OPCML: variants seen among roughly 807,000 people sequenced by gnomAD.
OPCML encodes opioid binding protein/cell adhesion molecule like, also known as opioid-binding protein/cell adhesion molecule.
In OPCML, 13 loss-of-function variants were observed where a neutral mutation model predicts 37.8. The ratio of observed to expected loss-of-function variants is 0.34; its 90% CI spans 0.22 to 0.55. The LOEUF is 0.55. Among genes scored for constraint, OPCML ranks in the 20% least tolerant of loss-of-function variants. OPCML has a pLI of 0.91. For synonymous variants in OPCML, 176 were observed against 168.8 expected, an observed-to-expected ratio of 1.04 and a Z score of -0.33; for missense variants, 341 against 435.6, an observed-to-expected ratio of 0.78 and a Z score of 1.93.
At chr11:132,892,612 C>T (rs2725456) in intron 2 of OPCML, among the ~76,000 whole-genome samples, 1 of 152,076 alleles carries the variant, frequency 6.6e-6, no homozygotes, top group South Asian at 2.1e-4. Context: ...ACTAAAAATA[C>T]AAAAATTAGC....
In OPCML at chr11:133,346,719, T is replaced by C. The variant is rs1001543690; in HGVS notation, c.61+185545A>G. Among the ~76,000 whole-genome samples the C allele has an allele frequency of 2.0e-5, 3 of 152,188 alleles. No individual in the cohort carries two copies. In the East Asian group the frequency reaches 5.8e-4, roughly 29 times the overall value. On this transcript the variant is annotated intron_variant, in intron 1 of 7. Coordinates refer to ENST00000524381, the MANE Select transcript of OPCML (RefSeq NM_001012393.5). ...ATGTGGAATTAGCCATCAGAAAACC[T>C]GGGTTCCAAGCCTCGTTTTACCACT...
intron 3 of OPCML, among the ~76,000 whole-genome samples, chr11:132,643,007 G>A (rs1187773291): frequency 6.6e-6 from 1 of 152,204 alleles, no homozygotes; most frequent in African/African-American, 2.4e-5. Flanking sequence ...CTCAGTGGTG[G>A]TGTGGAAAGG....
chr11:132,544,108 G>A (rs553615886), intron 3 of OPCML, among the ~76,000 whole-genome samples: 12 of 151,544 alleles, frequency 7.9e-5, no homozygotes, highest in South Asian at 6.3e-4. Flanking sequence ...ATTCAATACC[G>A]GCCTAAGTGA....
intron 1 of OPCML, among the ~76,000 whole-genome samples, chr11:133,439,610 G>T (rs528911270): frequency 3.0e-4 from 46 of 152,118 alleles, no homozygotes; most frequent in African/African-American, 1.0e-3. Flanking sequence ...TGGGACTACA[G>T]GTGCCCGCCA....
At chr11:133,082,368 C>T (rs894604648) in intron 1 of OPCML, among the ~76,000 whole-genome samples, 20 of 143,480 alleles carry the variant, frequency 1.4e-4, no homozygotes, top group African/African-American at 4.9e-4. Context: ...CTGCGCCGTC[C>T]CCTCCCCACC....
chr11:132,748,032 T>C (rs1945697287), intron 2 of OPCML, among the ~76,000 whole-genome samples: 1 of 151,858 alleles, frequency 6.6e-6, no homozygotes, highest in African/African-American at 2.4e-5. Context: ...TTAGCCATTC[T>C]ATTATGTTAT....
At chr11:132,579,424 G>A (rs1002305234) in intron 3 of OPCML, among the ~76,000 whole-genome samples, 1 of 147,912 alleles carries the variant, frequency 6.8e-6, no homozygotes, top group Non-Finnish European at 1.5e-5. Context: ...TGTGATGAGG[G>A]AGGCTGGGGA....
At chr11:133,299,562 G>A (rs1477071632) in intron 1 of OPCML, 2 of 152,236 alleles carry the variant, frequency 1.3e-5, no homozygotes, top group East Asian at 3.8e-4. Flanking sequence ...GGCAGAACAA[G>A]AGAAAATGGG....
In OPCML at chr11:132,431,497, T is replaced by C. The variant is rs571302697; in HGVS notation, c.916+4589A>G. Among the ~76,000 whole-genome samples, 4 of 152,316 alleles carry C rather than the reference T, an allele frequency of 2.6e-5. No individual in the cohort carries two copies. In the East Asian group the frequency reaches 7.7e-4, roughly 29 times the overall value. ...GCTGTGAGTTGGCGCTCTGCCTAGC[T>C]GACCACTCTGTCCTTGTGGCTCTGT... On this transcript the variant is annotated intron_variant, in intron 7 of 7. Coordinates refer to ENST00000524381, the MANE Select transcript of OPCML (RefSeq NM_001012393.5).
At chr11:132,639,758 G>C (rs1940738644) in intron 3 of OPCML, among the ~76,000 whole-genome samples, 1 of 152,178 alleles carries the variant, frequency 6.6e-6, no homozygotes, top group Non-Finnish European at 1.5e-5. Context: ...AGAAGAGAGG[G>C]GACAACAGAT....
intron 2 of OPCML, among the ~76,000 whole-genome samples, chr11:132,855,205 G>T (rs1287536027): frequency 6.6e-6 from 1 of 152,024 alleles, no homozygotes; most frequent in African/African-American, 2.4e-5. Context: ...TCAGATTACT[G>T]CATTCTGGTA....
intron 1 of OPCML, among the ~76,000 whole-genome samples, chr11:133,332,042 A>G (rs2136650324): frequency 6.6e-6 from 1 of 152,318 alleles, no homozygotes; most frequent in South Asian, 2.1e-4. Context: ...CATTTGAACG[A>G]TAATGATTCT....
intron 1 of OPCML, among the ~76,000 whole-genome samples, chr11:133,022,211 G>A (rs577506586): frequency 1.3e-5 from 2 of 152,254 alleles, no homozygotes; most frequent in South Asian, 4.2e-4. Flanking sequence ...TCCAAATGAT[G>A]AGAAAAATGA....
intron 1 of OPCML, among the ~76,000 whole-genome samples, chr11:133,329,213 G>C (rs1481292154): frequency 6.6e-6 from 1 of 152,168 alleles, no homozygotes; most frequent in African/African-American, 2.4e-5. Context: ...AACATTCCAC[G>C]CTCATGGGTA....
chr11:132,889,446 CCACA>C (rs1565939905), intron 2 of OPCML, among the ~76,000 whole-genome samples: 2 of 152,156 alleles, frequency 1.3e-5, no homozygotes, highest in Non-Finnish European at 2.9e-5. Flanking sequence ...AATGCCCCAC[CCACA>C]TAGTCATGTT....
intron 2 of OPCML, among the ~76,000 whole-genome samples, chr11:132,677,211 T>G (rs1942748064): frequency 6.6e-6 from 1 of 151,942 alleles, no homozygotes; most frequent in South Asian, 2.1e-4. Flanking sequence ...AAGATTAATA[T>G]AAGAAAAACT....
intron 1 of OPCML, among the ~76,000 whole-genome samples, chr11:133,426,100 TTC>T (rs1215136631): frequency 6.6e-6 from 1 of 152,146 alleles, no homozygotes; most frequent in African/African-American, 2.4e-5. Flanking sequence ...ATAGTATAGA[TTC>T]TGTCTCCCTA....
intron 1 of OPCML, among the ~76,000 whole-genome samples, chr11:133,197,762 G>T (rs1398068966): frequency 2.0e-5 from 3 of 152,196 alleles, no homozygotes; most frequent in Admixed American, 2.0e-4. Flanking sequence ...TTTCACAAGT[G>T]CTTGTGTGTG....
chr11:133,006,822 C>T (rs1329370214), intron 1 of OPCML: 2 of 985,294 alleles, frequency 2.0e-6, no homozygotes, highest in Non-Finnish European at 2.4e-6. Context: ...GCAGTGACAC[C>T]AGGGTAACTG....
Sources: gnomAD v4.1 joint callset for allele counts (sites outside exome capture counted in the v4.1 genomes callset) on GRCh38, gnomAD v4.1.1 for gene constraint, MANE v1.5 for transcripts, NCBI Gene and HGNC (gene_info 2026-07-23, HGNC 2026-07-21) for gene names.